The following TG variants were observed in gnomAD, a reference collection of about 807,000 sequenced individuals.
TG encodes the protein thyroid hormones.
TG carries 270 observed loss-of-function variants against 324.7 expected under a neutral mutation model. The ratio of observed to expected loss-of-function variants is 0.83; its 90% CI spans 0.75 to 0.92. TG has a LOEUF of 0.92. TG is among the 40% of genes least tolerant of loss of function. The pLI is 0.00. For synonymous variants in TG, 1,401 were observed against 1,327.0 expected (o/e 1.06, Z -1.21); for missense variants, 3,591 against 3,456.4 (o/e 1.04, Z -0.98).
chr8:133,060,746 G>C (rs1377825455), intron 41 of TG, among the ~76,000 whole-genome samples: 1 of 152,230 alleles, frequency 6.6e-6, no homozygotes, highest in Non-Finnish European at 1.5e-5. Context: ...GCATGCTGCT[G>C]AAGCCCTTTC....
intron 29 of TG, among the ~76,000 whole-genome samples, chr8:132,965,271 T>A (rs1448016974): frequency 6.6e-6 from 1 of 152,160 alleles, no homozygotes; most frequent in Non-Finnish European, 1.5e-5. Context: ...GATGGTGACA[T>A]GGTCTCTGGT....
At chr8:132,968,255 C>G (rs1828923535) in intron 31 of TG, among the ~76,000 whole-genome samples, 1 of 152,144 alleles carries the variant, frequency 6.6e-6, no homozygotes, top group Non-Finnish European at 1.5e-5. Flanking sequence ...TTTATTCACA[C>G]TTAAAACTAA....
intron 41 of TG, chr8:133,075,029 G>A: frequency 1.0e-6 from 1 of 985,442 alleles, no homozygotes; most frequent in Non-Finnish European, 1.2e-6. Flanking sequence ...TGCTAAACTG[G>A]CCGCATACTT....
chr8:133,066,364 A>G lies in TG; in HGVS notation c.7240-28680A>G, dbSNP rs180950159. Among the ~76,000 whole-genome samples the G allele has an allele frequency of 1.9e-3, 294 of 152,034 alleles. 1 individual carries two copies. The highest frequency in any genetic ancestry group is 6.8e-3 in the African/African-American group (282 of 41,474). On this transcript the variant is annotated intron_variant, in intron 41 of 47. Transcript: ENST00000220616. ...AAAAAAGCTGTTACTGCTGTGGAACAAAACAAAAGAAAAGAAACAGAAAGG... is the reference window on the plus strand; with the variant it reads ...AAAAAAGCTGTTACTGCTGTGGAACGAAACAAAAGAAAAGAAACAGAAAGG...
chr8:133,054,893 T>C (rs905618708), intron 41 of TG, among the ~76,000 whole-genome samples: 1 of 152,180 alleles, frequency 6.6e-6, no homozygotes, highest in Non-Finnish European at 1.5e-5. Flanking sequence ...TGCATGACCA[T>C]TTCTTTTTAA....
chr8:132,967,871 T>C lies in TG; in HGVS notation c.5764T>C (p.Tyr1922His). The change falls in exon 31 of 48, where the codon TAC (tyrosine) becomes CAC (histidine). Residue 1922 changes from tyrosine to histidine, a missense_variant. Coordinates refer to ENST00000220616, the MANE Select transcript of TG (RefSeq NM_003235.5). The stretch of plus-strand genomic sequence containing the variant: ...ATCCTTGTACTTCACCTGCACCCTC[T>C]ACCCAGAGGCACAGGTGTGTGATGA... ...SASLYFTCTLYPEAQVCDDIM... is the reference protein window; with the variant it reads ...SASLYFTCTLHPEAQVCDDIM... The C allele has an allele frequency of 6.2e-7, 1 of 1,613,966 alleles. No homozygotes were observed. The highest frequency in any genetic ancestry group is 8.5e-7 in the Non-Finnish European group (1 of 1,179,922).
intron 43 of TG, among the ~76,000 whole-genome samples, chr8:133,101,183 A>G (rs547994134): frequency 1.3e-5 from 2 of 152,272 alleles, no homozygotes; most frequent in Non-Finnish European, 2.9e-5. Context: ...ATACGCAAGC[A>G]TCACCTAGAG....
In TG at chr8:132,905,107, C is replaced by T. The variant is rs554455077; in HGVS notation, c.3635-1581C>T. The stretch of plus-strand genomic sequence containing the variant: ...CTCTTAATGGTGTACCTGGCACATA[C>T]TACACATCCCATAGTAGTTTTTAAA... On this transcript the variant is annotated intron_variant, in intron 16 of 47. Transcript: ENST00000220616. Among the ~76,000 whole-genome samples the T allele has an allele frequency of 4.6e-5, 7 of 152,324 alleles. No homozygotes were observed. In the Middle Eastern group the frequency reaches 0.01, roughly 222 times the overall value.
At position 133,131,857 on chromosome 8, in the gene TG, C is replaced by G; in HGVS notation, c.7908C>G (p.Phe2636Leu). The G allele has an allele frequency of 6.2e-7, 1 of 1,614,206 alleles. No homozygotes were observed. Among genetic ancestry groups the G allele is most frequent in the Non-Finnish European group, 8.5e-7 (1 of 1,180,024 alleles). ...ADVQFALGLP[F>L]YPAYEGQFSL... ...TTCAGTTTGCCTTGGGGCTTCCCTT[C>G]TACCCAGCCTACGAGGGGCAGTTTT... Residue 2636 changes from phenylalanine to leucine, a missense_variant, in exon 46 of 48, where the codon TTC (phenylalanine) becomes TTG (leucine). By Grantham distance (22) the Phe-to-Leu change is conservative. Transcript: ENST00000220616.
chr8:132,882,392 G>T, intron 6 of TG, 77 bp from the exon 7 acceptor site: 5 of 1,536,516 alleles, frequency 3.3e-6, no homozygotes, highest in Non-Finnish European at 9.0e-7. Context: ...GTCTCTCTCA[G>T]TATCTGTTTG....
chr8:132,874,940 C>T (rs1047218273), intron 5 of TG, among the ~76,000 whole-genome samples: 2 of 152,198 alleles, frequency 1.3e-5, no homozygotes, highest in African/African-American at 4.8e-5. Flanking sequence ...CCACTGCCTA[C>T]CTCATCCATT....
In TG at chr8:132,965,097, A is replaced by C. The variant is rs372727062; in HGVS notation, c.5549-1463A>C. On this transcript the variant is annotated intron_variant, in intron 29 of 47. Transcript: ENST00000220616. ...CCTACTTTGTGCCAGGCATGGTTCA[A>C]TGGGGAGACCCACATGGGGACTGGC... 2.0e-5 allele frequency among the ~76,000 whole-genome samples: 3 copies of C among 151,876 alleles called. No individual in the cohort carries two copies. The East Asian group carries it at 5.8e-4, about 29-fold the overall frequency.
intron 41 of TG, among the ~76,000 whole-genome samples, chr8:133,082,350 G>A (rs73350772): frequency 0.024 from 3,686 of 152,294 alleles, 154 homozygotes; most frequent in African/African-American, 0.084. Flanking sequence ...CTGGAAAGAC[G>A]GAGGAAAAGA....
At chr8:133,117,126 T>C (rs1850761973) in intron 45 of TG, among the ~76,000 whole-genome samples, 1 of 152,124 alleles carries the variant, frequency 6.6e-6, no homozygotes, top group South Asian at 2.1e-4. Context: ...CATTCTTACT[T>C]CCAGAATAGG....
intron 45 of TG, among the ~76,000 whole-genome samples, chr8:133,125,352 A>G (rs1200388257): frequency 1.3e-5 from 2 of 152,374 alleles, no homozygotes; most frequent in East Asian, 1.9e-4. Flanking sequence ...AACCTTGTGT[A>G]AAGGTGACAT....
intron 43 of TG, among the ~76,000 whole-genome samples, chr8:133,100,786 C>T (rs999783674): frequency 3.0e-4 from 45 of 152,184 alleles, no homozygotes; most frequent in Non-Finnish European, 6.0e-4. Context: ...GTGCAAAGGG[C>T]TTTCCAATTC....
rs58739514 is a variant in TG at position 133,042,678 on chromosome 8, C to CTTTTTTTTTT, written c.7239+12677_7239+12686dup. 2.7e-3 allele frequency among the ~76,000 whole-genome samples: 154 copies of CTTTTTTTTTT among 56,744 alleles called. 11 individuals are homozygous for CTTTTTTTTTT. Among genetic ancestry groups the CTTTTTTTTTT allele is most frequent in the Admixed American group, 4.0e-3 (15 of 3,728 alleles). 37.2% of individuals were successfully genotyped at this position (56,744 alleles called of 152,430 possible). A position where few individuals can be genotyped will look rare whatever the true frequency, so the allele number is the denominator to read the frequency against. On this transcript the variant is annotated intron_variant, in intron 41 of 47. Transcript: ENST00000220616. ...GTGCACAATTCCTCTCATTCTGTGTCTTTTTTTTTTTTTTTTTTTTTTTTT... is the reference window on the plus strand; with the variant it reads ...GTGCACAATTCCTCTCATTCTGTGTCTTTTTTTTTTTTTTTTTTTTTTTTTTTTTTTTTTT...
At chr8:133,116,064 G>A (rs1850654717) in intron 44 of TG, among the ~76,000 whole-genome samples, 1 of 151,916 alleles carries the variant, frequency 6.6e-6, no homozygotes, top group Non-Finnish European at 1.5e-5. Context: ...ATGTCTCCAA[G>A]CATTGCCAAA....
chr8:133,038,529 C>T (rs1837511862), intron 41 of TG: 1 of 1,609,352 alleles, frequency 6.2e-7, no homozygotes, highest in South Asian at 1.1e-5. Context: ...CTTGGCTAGT[C>T]CTCAAAGTAA....
Sources: gnomAD v4.1 joint callset for allele counts (sites outside exome capture counted in the v4.1 genomes callset) on GRCh38, gnomAD v4.1.1 for gene constraint, MANE v1.5 for transcripts, NCBI Gene and HGNC (gene_info 2026-07-23, HGNC 2026-07-21) for gene names.